Variants in DNAH6 observed in about 807,000 individuals in gnomAD.
DNAH6 encodes the protein dynein axonemal heavy chain 6, also known as axonemal beta dynein heavy chain 6.
Under a neutral mutation model 491.4 loss-of-function variants are expected in DNAH6, and 340 were observed. That is an observed-to-expected ratio of 0.69 (90% CI 0.63 to 0.76). DNAH6 has a LOEUF of 0.76. Among genes scored for constraint, DNAH6 ranks in the 30% least tolerant of loss-of-function variants. DNAH6 has a pLI of 0.00. For synonymous variants in DNAH6, 1,603 were observed against 1,686.1 expected, an observed-to-expected ratio of 0.95 and a Z score of 1.21; for missense variants, 4,443 against 4,972.2, an observed-to-expected ratio of 0.89 and a Z score of 3.20.
At position 84,709,543 on chromosome 2, in the gene DNAH6, T is replaced by C; in HGVS notation, c.9249T>C (p.Asp3083=). The C allele has an allele frequency of 6.4e-7, 1 of 1,551,586 alleles. No homozygotes were observed. Among genetic ancestry groups the C allele is most frequent in the African/African-American group, 1.4e-5 (1 of 73,146 alleles). The change falls in exon 55 of 77, where the codon GAT becomes GAC. Residue 3083 remains aspartate, a synonymous_variant. Coordinates refer to ENST00000389394, the MANE Select transcript of DNAH6 (RefSeq NM_001370.2). ...GGCCTTTGATGATTGATCCCCAAGATCAGGTGTGTAGCAAATGCTTAAGAG... is the reference window on the plus strand; with the variant it reads ...GGCCTTTGATGATTGATCCCCAAGACCAGGTGTGTAGCAAATGCTTAAGAG... The part of the protein sequence containing the change: ...RRWPLMIDPQ[D]QANRWIRNKE...
chr2:84,482,869 TGAG>T, the DNAH6 span, among the ~76,000 whole-genome samples: 2 of 152,136 alleles, frequency 1.3e-5, no homozygotes, highest in African/African-American at 2.4e-5. Flanking sequence ...ATTCAAGCCC[TGAG>T]GAGGAGACAC....
chr2:84,681,286 C>T (rs142927070), intron 41 of DNAH6, 71 bp from the exon 42 acceptor site: 141 of 1,282,808 alleles, frequency 1.1e-4, no homozygotes, highest in African/African-American at 7.6e-4. Flanking sequence ...CGTTATCATC[C>T]GGAGTATTTA....
At chr2:84,635,863 G>T (rs1688833074) in intron 30 of DNAH6, among the ~76,000 whole-genome samples, 1 of 152,074 alleles carries the variant, frequency 6.6e-6, no homozygotes. Flanking sequence ...CCAGGCTGTG[G>T]CACATCACCT....
chr2:84,540,553 G>GA (rs1242591520), intron 4 of DNAH6, among the ~76,000 whole-genome samples: 2 of 152,030 alleles, frequency 1.3e-5, no homozygotes, highest in Non-Finnish European at 2.9e-5. Flanking sequence ...TTCAGGAGGA[G>GA]AAAAAATTTT....
intron 47 of DNAH6, 23 bp from the exon 48 acceptor site, chr2:84,699,571 A>G (rs889054908): frequency 1.4e-5 from 22 of 1,542,036 alleles, no homozygotes; most frequent in Non-Finnish European, 1.9e-5. Context: ...TTTAAACTGA[A>G]AAAATAACTT....
Position 84,548,299 on chromosome 2 carries a change from G to A in DNAH6, c.1198G>A (p.Val400Met), listed in dbSNP as rs752102602. Residue 400 changes from valine to methionine, a missense_variant, in exon 8 of 77, where the codon GTG becomes ATG. Physicochemically the swap from Val to Met is conservative, Grantham distance 21 (BLOSUM62 1). This residue lies in a region of DNAH6 where 2,977 missense variants were observed against 3,296.6 expected (regional missense o/e 0.90). Transcript: ENST00000389394. Reference sequence around the variant, plus strand: ...TCTGTTATTCTTAGATTATCATAAAGTGCAGAGCAGTGGAAGTTTCATTAA... The same window carrying A: ...TCTGTTATTCTTAGATTATCATAAAATGCAGAGCAGTGGAAGTTTCATTAA... Reference protein sequence around the residue: ...AFGPFEDYHKVQSSGSFINTP... With the variant: ...AFGPFEDYHKMQSSGSFINTP... 3.7e-6 allele frequency: 6 copies of A among 1,613,274 alleles called. No individual in the cohort carries two copies. Among genetic ancestry groups the A allele is most frequent in the African/African-American group, 1.3e-5 (1 of 74,986 alleles).
the DNAH6 span, among the ~76,000 whole-genome samples, chr2:84,490,249 T>TCTGACTCTTTCTTTTCTTTCTTC: frequency 2.6e-5 from 4 of 152,182 alleles, no homozygotes; most frequent in Non-Finnish European, 5.9e-5. Flanking sequence ...TTTCTTTCTT[T>TCTGACTCTTTCTTTTCTTTCTTC]CTGACTCTTT....
chr2:84,595,863 A>G, intron 18 of DNAH6, 74 bp downstream of exon 18: 1 of 1,384,194 alleles, frequency 7.2e-7, no homozygotes, highest in Non-Finnish European at 9.4e-7. Context: ...GACCAAAATC[A>G]GGAATTTTTC....
intron 60 of DNAH6, among the ~76,000 whole-genome samples, chr2:84,723,591 C>T (rs1352701350): frequency 1.3e-5 from 2 of 152,188 alleles, no homozygotes; most frequent in African/African-American, 4.8e-5. Context: ...CCAAACAGCA[C>T]TGACCTTAAC....
At chr2:84,695,718 TGG>T (rs1272305574) in intron 46 of DNAH6, among the ~76,000 whole-genome samples, 1 of 152,056 alleles carries the variant, frequency 6.6e-6, no homozygotes, top group East Asian at 1.9e-4. Flanking sequence ...ATTTGAATCT[TGG>T]GATTGTGAGT....
intron 21 of DNAH6, among the ~76,000 whole-genome samples, chr2:84,610,423 G>C (rs1488259264): frequency 6.6e-6 from 1 of 152,178 alleles, no homozygotes; most frequent in Non-Finnish European, 1.5e-5. Context: ...ACAGGGATGT[G>C]AATGCCACAT....
chr2:84,815,283 A>G (rs1680375024), intron 75 of DNAH6, among the ~76,000 whole-genome samples: 1 of 152,234 alleles, frequency 6.6e-6, no homozygotes, highest in Non-Finnish European at 1.5e-5. Flanking sequence ...CTCTGCCTGC[A>G]GACGTGAGGC....
chr2:84,489,274 T>C, the DNAH6 span, among the ~76,000 whole-genome samples: 2 of 152,294 alleles, frequency 1.3e-5, no homozygotes. Context: ...TAGAAAATTA[T>C]GTATTCTTCA....
intron 11 of DNAH6, among the ~76,000 whole-genome samples, chr2:84,564,173 T>C (rs1680943000): frequency 6.6e-6 from 1 of 152,210 alleles, no homozygotes; most frequent in Non-Finnish European, 1.5e-5. Flanking sequence ...TTGCTTTGGC[T>C]AGTTGGCTCT....
intron 14 of DNAH6, among the ~76,000 whole-genome samples, chr2:84,581,575 CT>C (rs1683035007): frequency 6.6e-6 from 1 of 152,100 alleles, no homozygotes; most frequent in African/African-American, 2.4e-5. Context: ...AATATTTAAG[CT>C]GTCATAAAAT....
chr2:84,808,589 TAG>T, intron 72 of DNAH6, 47 bp downstream of exon 72: 1 of 1,534,256 alleles, frequency 6.5e-7, no homozygotes, highest in Non-Finnish European at 8.8e-7. Context: ...CAAAGCTTTG[TAG>T]AGAGTTGTAT....
chr2:84,672,112 G>T (rs750773653), intron 39 of DNAH6, among the ~76,000 whole-genome samples: 11 of 152,186 alleles, frequency 7.2e-5, no homozygotes, highest in Non-Finnish European at 1.5e-4. Flanking sequence ...GGGGCCACCT[G>T]GCATGACAAC....
chr2:84,629,177 G>A (rs574937573), intron 29 of DNAH6, among the ~76,000 whole-genome samples: 1 of 151,906 alleles, frequency 6.6e-6, no homozygotes, highest in Admixed American at 6.5e-5. Context: ...TAGGTATTTG[G>A]GTTGTTTCTA....
chr2:84,587,982 GCC>G (rs983524779), intron 15 of DNAH6, among the ~76,000 whole-genome samples: 1 of 152,130 alleles, frequency 6.6e-6, no homozygotes, highest in African/African-American at 2.4e-5. Context: ...TTCTTCCATA[GCC>G]TACAATCCCA....
Sources: allele counts gnomAD v4.1 joint callset (sites outside exome capture counted in the v4.1 genomes callset), GRCh38; gene constraint gnomAD v4.1.1; regional missense constraint gnomAD v4.1.1; transcripts MANE v1.5; gene names NCBI Gene and HGNC (gene_info 2026-07-23, HGNC 2026-07-21).